The following CELF2 variants were observed in gnomAD, a reference collection of about 807,000 sequenced individuals.
CELF2 encodes CUGBP Elav-like family member 2.
In CELF2, 8 loss-of-function variants were observed where a neutral mutation model predicts 62.6. That is an observed-to-expected ratio of 0.13 (90% CI 0.07 to 0.23). The LOEUF is 0.23. Ranked by LOEUF, CELF2 falls within the 10% of genes least tolerant of loss-of-function variation. The pLI is 1.00. For missense variants in CELF2, 333 were observed against 671.0 expected (o/e 0.50, Z 5.56); for synonymous variants, 258 against 250.0 (o/e 1.03, Z -0.30).
intron 1 of CELF2, among the ~76,000 whole-genome samples, chr10:10,854,314 G>C (rs1466032374): frequency 6.6e-6 from 1 of 152,170 alleles, no homozygotes; most frequent in African/African-American, 2.4e-5. Context: ...TCAGCCCCAA[G>C]CTGTGAAAAG....
chr10:11,015,147 C>T (rs916427394), upstream of CELF2, among the ~76,000 whole-genome samples: 4 of 152,166 alleles, frequency 2.6e-5, no homozygotes, highest in African/African-American at 9.7e-5. This position sits in a 1 kb window ranked among gnomAD's most constrained non-coding sequence, Gnocchi z 4.8. Flanking sequence ...AAACATGATA[C>T]CTGATGGCTC....
intron 1 of CELF2, among the ~76,000 whole-genome samples, chr10:10,901,927 T>C (rs901982268): frequency 2.6e-5 from 4 of 152,150 alleles, no homozygotes; most frequent in African/African-American, 9.7e-5. Context: ...AAGATTTGAA[T>C]AAGCATTTCA....
At chr10:10,774,552 C>G in the CELF2 span, among the ~76,000 whole-genome samples, 1,193 of 152,308 alleles carry the variant, frequency 7.8e-3, 6 homozygotes, top group Non-Finnish European at 0.012. Context: ...TGCCCCCGCT[C>G]TCGCTCCTGC....
the CELF2 span, among the ~76,000 whole-genome samples, chr10:10,572,755 C>A: frequency 6.6e-6 from 1 of 152,170 alleles, no homozygotes; most frequent in Admixed American, 6.5e-5. Flanking sequence ...TCCGGTCTAT[C>A]ATCGATGATG....
rs1275633097 is a variant in CELF2, at chr10:10,997,285, G to C, written c.89+77286G>C. On this transcript the variant is annotated intron_variant, in intron 2 of 13. Transcript: ENST00000636488. The surrounding 1 kb of genome is among the most constrained non-coding windows in gnomAD (Gnocchi z 5.3). ...CCACTGCACTCTAGCCTGAGCAACA[G>C]AGCAAGACACCATCTCTGAAAAAGT... Among the ~76,000 whole-genome samples the C allele has an allele frequency of 6.6e-6, 1 of 152,206 alleles. No homozygotes were observed. The highest frequency in any genetic ancestry group is 2.4e-5 in the African/African-American group (1 of 41,458).
At chr10:11,093,252 A>G (rs1032470206) in intron 1 of CELF2, among the ~76,000 whole-genome samples, 2 of 151,476 alleles carry the variant, frequency 1.3e-5, no homozygotes, top group Admixed American at 1.3e-4. Flanking sequence ...ATTGGGCCAC[A>G]GTTTGGTGTT....
chr10:10,792,066 G>GAGGAAGGA, the CELF2 span, among the ~76,000 whole-genome samples: 1 of 144,000 alleles, frequency 6.9e-6, no homozygotes, highest in African/African-American at 2.6e-5. Context: ...AGGAAGGAGG[G>GAGGAAGGA]AGGAAGGAGG....
rs569605301 is a variant in CELF2, at chr10:11,178,152, G to A, written c.271+12470G>A. Among the ~76,000 whole-genome samples, 4 of 152,308 alleles carry A rather than the reference G, an allele frequency of 2.6e-5. No homozygotes were observed. The highest frequency in any genetic ancestry group is 1.9e-4 in the East Asian group (1 of 5,178). ...CGTTATGGAGTAGGCAACCTGGTTCGGCGCAAAGAGGAAATGCGCGTTCTG... is the reference window on the plus strand; with the variant it reads ...CGTTATGGAGTAGGCAACCTGGTTCAGCGCAAAGAGGAAATGCGCGTTCTG... On this transcript the variant is annotated intron_variant, in intron 2 of 12. Transcript: ENST00000633077. This position sits in a 1 kb window ranked among gnomAD's most constrained non-coding sequence, Gnocchi z 4.3.
rs1223848802 is a variant in CELF2, at chr10:11,255,921, C to G, written c.404-1817C>G. Among the ~76,000 whole-genome samples the G allele has an allele frequency of 6.6e-6, 1 of 152,216 alleles. No homozygotes were observed. Among genetic ancestry groups the G allele is most frequent in the Non-Finnish European group, 1.5e-5 (1 of 68,040 alleles). Reference sequence around the variant, plus strand: ...TCCCCTTCAAGCCTTCTCTCCTCCTCTGAACTTGGAGGAGACACAGCAGGG... The same window carrying G: ...TCCCCTTCAAGCCTTCTCTCCTCCTGTGAACTTGGAGGAGACACAGCAGGG... On this transcript the variant is annotated intron_variant, in intron 4 of 12. Coordinates refer to ENST00000633077, the MANE Select transcript of CELF2 (RefSeq NM_001326342.2). This position sits in a 1 kb window ranked among gnomAD's most constrained non-coding sequence, Gnocchi z 5.5.
At chr10:10,939,537 T>C (rs1233194282) in intron 2 of CELF2, among the ~76,000 whole-genome samples, 1 of 151,920 alleles carries the variant, frequency 6.6e-6, no homozygotes, top group Admixed American at 6.6e-5. Flanking sequence ...CCACTCACCT[T>C]GGCCTCCCAA....
chr10:10,542,521 C>T, the CELF2 span, among the ~76,000 whole-genome samples: 1 of 152,340 alleles, frequency 6.6e-6, no homozygotes, highest in Non-Finnish European at 1.5e-5. Flanking sequence ...AGAGGGAAAG[C>T]TTTTCCACTC....
intron 2 of CELF2, among the ~76,000 whole-genome samples, chr10:10,949,967 A>G (rs1028219176): frequency 3.3e-5 from 5 of 152,016 alleles, no homozygotes; most frequent in Non-Finnish European, 7.4e-5. Context: ...TGCCTTTTTC[A>G]ATGCTAAAAG....
chr10:10,801,711 C>T (rs563252795), intron 1 of CELF2, among the ~76,000 whole-genome samples: 17 of 152,338 alleles, frequency 1.1e-4, no homozygotes, highest in Admixed American at 3.9e-4. Context: ...TTTAAACCCA[C>T]GTAACCTGGA....
chr10:11,296,142 C>T lies in CELF2; in HGVS notation c.976+7590C>T, dbSNP rs185182677. On this transcript the variant is annotated intron_variant, in intron 9 of 12. Coordinates refer to ENST00000633077, the MANE Select transcript of CELF2 (RefSeq NM_001326342.2). This position sits in a 1 kb window ranked among gnomAD's most constrained non-coding sequence, Gnocchi z 5.0. ...CATCCCCGGGATGGACAGATCCTCG[C>T]GTGCATCTTAGGGCTGCCACTCACC... is the stretch of plus-strand genomic sequence containing the variant. 6.3e-4 allele frequency among the ~76,000 whole-genome samples: 96 copies of T among 152,330 alleles called. No homozygotes were observed. Among genetic ancestry groups the T allele is most frequent in the Non-Finnish European group, 6.0e-4 (41 of 68,022 alleles).
chr10:11,096,098 A>C (rs972654492), intron 1 of CELF2, among the ~76,000 whole-genome samples: 2 of 152,218 alleles, frequency 1.3e-5, no homozygotes, highest in Admixed American at 1.3e-4. Context: ...GTTGACCTGC[A>C]TTTATTTGAA....
chr10:11,333,149 G>A lies in CELF2; in HGVS notation c.*4096G>A, dbSNP rs1227473215. On this transcript the variant is annotated 3_prime_UTR_variant, in exon 13 of 13. Coordinates refer to ENST00000633077, the MANE Select transcript of CELF2 (RefSeq NM_001326342.2). ...AAACACTGAGGGTAGGGGACAGGAG[G>A]CTCAGGACGCGCCCTCTGAATCGAG... 1.3e-5 allele frequency: 2 copies of A among 152,198 alleles called. No homozygotes were observed. Among genetic ancestry groups the A allele is most frequent in the African/African-American group, 4.8e-5 (2 of 41,420 alleles). 9.4% of individuals were successfully genotyped at this position (152,198 alleles called of 1,614,324 possible). A position where few individuals can be genotyped will look rare whatever the true frequency, so the allele number is the denominator to read the frequency against.
In CELF2 at chr10:11,302,814, T is replaced by C. The variant is rs1047638198; in HGVS notation, c.977-11325T>C. Among the ~76,000 whole-genome samples the C allele has an allele frequency of 6.6e-6, 1 of 152,238 alleles. No homozygotes were observed. Among genetic ancestry groups the C allele is most frequent in the Non-Finnish European group, 1.5e-5 (1 of 68,042 alleles). On this transcript the variant is annotated intron_variant, in intron 9 of 12. Coordinates refer to ENST00000633077, the MANE Select transcript of CELF2 (RefSeq NM_001326342.2). This position sits in a 1 kb window ranked among gnomAD's most constrained non-coding sequence, Gnocchi z 5.0. Reference sequence around the variant, plus strand: ...ATGAGATTTTCACATTGTTCCGCTGTGCTGCGGACAGTGGAAGTTGGAGCC... The same window carrying C: ...ATGAGATTTTCACATTGTTCCGCTGCGCTGCGGACAGTGGAAGTTGGAGCC...
intron 1 of CELF2, among the ~76,000 whole-genome samples, chr10:11,091,370 G>T (rs933789643): frequency 5.9e-5 from 9 of 152,172 alleles, no homozygotes; most frequent in African/African-American, 2.2e-4. Flanking sequence ...TGAGAAACAT[G>T]GCCTCTTTTA....
chr10:10,533,398 A>G, the CELF2 span, among the ~76,000 whole-genome samples: 2 of 152,236 alleles, frequency 1.3e-5, no homozygotes, highest in Non-Finnish European at 2.9e-5. Context: ...CAAACTTTTA[A>G]TGATCATTAT....
Sources: allele counts gnomAD v4.1 joint callset (sites outside exome capture counted in the v4.1 genomes callset), GRCh38; gene constraint gnomAD v4.1.1; non-coding constraint Gnocchi (gnomAD v3.1); transcripts MANE v1.5; gene names NCBI Gene and HGNC (gene_info 2026-07-23, HGNC 2026-07-21).